The following RAD51B variants were observed in gnomAD, a reference collection of about 807,000 sequenced individuals.
RAD51B encodes DNA repair protein RAD51 homolog 2.
Under a neutral mutation model 42.2 loss-of-function variants are expected in RAD51B, and 38 were observed. The ratio of observed to expected loss-of-function variants is 0.90; its 90% confidence interval spans 0.70 to 1.18. The LOEUF (loss-of-function observed/expected upper bound fraction) is 1.18. Among genes scored for constraint, RAD51B ranks in the 50% most tolerant of loss-of-function variants. The pLI, the probability that RAD51B is intolerant of heterozygous loss-of-function variation, is 0.00. For synonymous variants in RAD51B, 154 were observed against 145.2 expected, an observed-to-expected ratio of 1.06 and a Z score of -0.43; for missense variants, 373 against 400.7, an observed-to-expected ratio of 0.93 and a Z score of 0.59.
chr14:68,148,391 G>A (rs2078300943), intron 7 of RAD51B, among the ~76,000 whole-genome samples: 1 of 152,114 alleles, frequency 6.6e-6, no homozygotes, highest in South Asian at 2.1e-4. Flanking sequence ...GTTCAGCTTT[G>A]TAAGAAACTG....
At chr14:68,470,270 C>G (rs1335967708) in intron 10 of RAD51B, among the ~76,000 whole-genome samples, 1 of 152,156 alleles carries the variant, frequency 6.6e-6, no homozygotes, top group Non-Finnish European at 1.5e-5. Context: ...CTATCCCACT[C>G]CCCCAAGCTA....
Position 68,682,909 on chromosome 14 carries a change from G to GA in RAD51B, c.*11+32053_*11+32054insA. The GA allele has an allele frequency of 4.1e-6, 3 of 731,014 alleles. No homozygotes were observed. In the South Asian group the frequency reaches 1.9e-4, roughly 47 times the overall value. The allele number at this position is 731,014 out of a possible 1,614,324, so 45.3% of individuals were successfully genotyped here. A position where few individuals can be genotyped will look rare whatever the true frequency, so the allele number is the denominator to read the frequency against. Reference sequence around the variant, plus strand: ...TTTTAATAAAAATCTGTAGCTTATGGCTTTTTTTTTTTTTTTTTTTTGTAT... The same window carrying GA: ...TTTTAATAAAAATCTGTAGCTTATGGACTTTTTTTTTTTTTTTTTTTTGTAT... On this transcript the variant is annotated intron_variant, in intron 11 of 11. Transcript: ENST00000488612.
Position 68,411,498 on chromosome 14 carries a change from C to T in RAD51B, c.928C>T (p.Leu310Phe), listed in dbSNP as rs2084419545. ...TCACAGTGTGAATACCCGGCTGATCCTCCAGTACCTTGATTCAGAGAGAAG... is the reference window on the plus strand; with the variant it reads ...TCACAGTGTGAATACCCGGCTGATCTTCCAGTACCTTGATTCAGAGAGAAG... ...WSHSVNTRLI[L>F]QYLDSERRQI... The change falls in exon 9 of 11, where the codon CTC becomes TTC. Residue 310 changes from leucine to phenylalanine, a missense_variant. Transcript: ENST00000471583. 1 of 1,613,980 alleles carries T rather than the reference C, an allele frequency of 6.2e-7. No individual in the cohort carries two copies. The highest frequency in any genetic ancestry group is 8.5e-7 in the Non-Finnish European group (1 of 1,179,992).
chr14:67,972,856 A>G (rs560079315), intron 7 of RAD51B, among the ~76,000 whole-genome samples: 2 of 152,210 alleles, frequency 1.3e-5, no homozygotes, highest in South Asian at 2.1e-4. Context: ...CTTGAAACCC[A>G]TGACATCTAA....
intron 7 of RAD51B, among the ~76,000 whole-genome samples, chr14:68,011,849 A>T (rs748149892): frequency 4.6e-5 from 7 of 152,028 alleles, no homozygotes; most frequent in Non-Finnish European, 8.8e-5. Flanking sequence ...TTACATATGA[A>T]GTTAGTCTGG....
chr14:67,997,353 C>T (rs1462254423), intron 7 of RAD51B, among the ~76,000 whole-genome samples: 1 of 152,060 alleles, frequency 6.6e-6, no homozygotes, highest in Non-Finnish European at 1.5e-5. Flanking sequence ...AAGAAGCAAC[C>T]AATGAGATAA....
At chr14:68,422,514 C>T (rs1594813060) in intron 9 of RAD51B, among the ~76,000 whole-genome samples, 3 of 144,498 alleles carry the variant, frequency 2.1e-5, no homozygotes, top group Middle Eastern at 3.9e-3. Context: ...GAGCCAAGAT[C>T]GCACCACTGC....
chr14:67,874,997 G>A (rs1229785434), intron 5 of RAD51B, among the ~76,000 whole-genome samples: 1 of 152,156 alleles, frequency 6.6e-6, no homozygotes, highest in Non-Finnish European at 1.5e-5. Flanking sequence ...GTAAAGTTGG[G>A]TCTTAGAACT....
intron 7 of RAD51B, among the ~76,000 whole-genome samples, chr14:68,205,417 G>T (rs2079564696): frequency 6.6e-6 from 1 of 152,018 alleles, no homozygotes; most frequent in Non-Finnish European, 1.5e-5. Flanking sequence ...GAAACATGAA[G>T]GATGAATGGG....
At chr14:68,347,014 C>A (rs977058471) in intron 8 of RAD51B, among the ~76,000 whole-genome samples, 2 of 152,200 alleles carry the variant, frequency 1.3e-5, no homozygotes, top group East Asian at 1.9e-4. Flanking sequence ...CTCTCTGAAG[C>A]CTTTTTCACA....
chr14:68,617,293 G>A (rs1312252923), intron 10 of RAD51B, among the ~76,000 whole-genome samples: 2 of 152,114 alleles, frequency 1.3e-5, no homozygotes, highest in Non-Finnish European at 2.9e-5. Flanking sequence ...TGAACCTAAC[G>A]TTTCTTTTAT....
rs1458266041 is a variant in RAD51B at position 68,094,114 on chromosome 14, A to G, written c.757-197770A>G. 3.3e-5 allele frequency among the ~76,000 whole-genome samples: 5 copies of G among 152,322 alleles called. No homozygotes were observed. The East Asian group carries it at 9.6e-4, about 29-fold the overall frequency. The stretch of plus-strand genomic sequence containing the variant: ...CTAATGAAATTGAGTACCTCTTTAT[A>G]TTACTAGTTAGTTATTTGGCTTTTT... On this transcript the variant is annotated intron_variant, in intron 7 of 10. Transcript: ENST00000471583.
chr14:68,000,833 C>G (rs952931540), intron 7 of RAD51B, among the ~76,000 whole-genome samples: 2 of 152,184 alleles, frequency 1.3e-5, no homozygotes, highest in Non-Finnish European at 2.9e-5. Flanking sequence ...TCTTTATCCT[C>G]TGTCTCTGAG....
downstream of RAD51B, among the ~76,000 whole-genome samples, chr14:68,616,306 A>C (rs1891825503): frequency 6.6e-6 from 1 of 151,358 alleles, no homozygotes; most frequent in South Asian, 2.1e-4. Context: ...AGATCTGCTG[A>C]TGGTGAATTG....
At chr14:68,440,605 G>C (rs2085262308) in intron 9 of RAD51B, among the ~76,000 whole-genome samples, 1 of 152,116 alleles carries the variant, frequency 6.6e-6, no homozygotes, top group Non-Finnish European at 1.5e-5. Context: ...AATTAGTTGG[G>C]CATGGTGGCG....
intron 9 of RAD51B, among the ~76,000 whole-genome samples, chr14:68,449,130 AG>A (rs1451179273): frequency 6.6e-6 from 1 of 152,210 alleles, no homozygotes; most frequent in Non-Finnish European, 1.5e-5. Flanking sequence ...TGCAGTTAAG[AG>A]GATAACATAA....
At chr14:68,648,023 G>GTATATA (rs1398832977) in intron 10 of RAD51B, among the ~76,000 whole-genome samples, 66 of 28,632 alleles carry the variant, frequency 2.3e-3, no homozygotes, top group African/African-American at 7.9e-3. Flanking sequence ...ATATATATAC[G>GTATATA]TATATATATA....
intron 10 of RAD51B, among the ~76,000 whole-genome samples, chr14:68,500,185 C>G (rs760272456): frequency 2.0e-5 from 3 of 152,206 alleles, no homozygotes; most frequent in Admixed American, 6.5e-5. Context: ...ATCAGATCCT[C>G]ACATCTATTT....
At chr14:68,142,304 T>A (rs1471534954) in intron 7 of RAD51B, among the ~76,000 whole-genome samples, 1 of 152,210 alleles carries the variant, frequency 6.6e-6, no homozygotes, top group African/African-American at 2.4e-5. Flanking sequence ...TCAAACTCCT[T>A]TTCAGAGTTA....
Sources: gnomAD v4.1 joint callset for allele counts (sites outside exome capture counted in the v4.1 genomes callset) on GRCh38, gnomAD v4.1.1 for gene constraint, MANE v1.5 for transcripts, NCBI Gene and HGNC (gene_info 2026-07-23, HGNC 2026-07-21) for gene names.